Variants in TTLL9 observed in about 807,000 individuals in gnomAD.
The protein encoded by TTLL9 is tubulin tyrosine ligase like 9, also known as probable tubulin polyglutamylase TTLL9.
In TTLL9, 47 loss-of-function variants were observed where a neutral mutation model predicts 65.6. The observed-to-expected ratio is 0.72, with a 90% confidence interval of 0.57 to 0.91. The LOEUF is 0.91. Ranked by LOEUF, TTLL9 falls within the 40% of genes least tolerant of loss-of-function variation. The pLI, the probability that TTLL9 is intolerant of heterozygous loss-of-function variation, is 0.00. For missense variants in TTLL9, 537 were observed against 568.8 expected (o/e 0.94, Z 0.57); for synonymous variants, 179 against 204.8 (o/e 0.87, Z 1.07).
chr20:31,905,365 G>A (rs535464664), intron 4 of TTLL9, among the ~76,000 whole-genome samples: 14 of 152,084 alleles, frequency 9.2e-5, no homozygotes, highest in East Asian at 5.8e-4. Flanking sequence ...ATAAGCCACC[G>A]TGCCCAACCA....
chr20:31,912,603 ATGTGTGTG>A (rs61107814), intron 6 of TTLL9, among the ~76,000 whole-genome samples: 15,567 of 141,026 alleles, frequency 0.11, 826 homozygotes, highest in Middle Eastern at 0.22. Context: ...GTGTATGTGT[ATGTGTGTG>A]TGTGTGTGTG....
chr20:31,929,009 G>A (rs1210669815), intron 10 of TTLL9, among the ~76,000 whole-genome samples: 1 of 152,174 alleles, frequency 6.6e-6, no homozygotes, highest in Non-Finnish European at 1.5e-5. Context: ...CTGTGCAGCT[G>A]AGACCACAGG....
chr20:31,929,033 GC>G (rs748296551), intron 10 of TTLL9, among the ~76,000 whole-genome samples: 87 of 152,266 alleles, frequency 5.7e-4, no homozygotes, highest in Non-Finnish European at 9.0e-4. Flanking sequence ...ATGCCACTGT[GC>G]CTGGCTAACT....
intron 11 of TTLL9, 80 bp from the exon 12 acceptor site, chr20:31,934,612 G>A: frequency 7.7e-7 from 1 of 1,301,858 alleles, no homozygotes; most frequent in South Asian, 1.4e-5. Flanking sequence ...GAAACACTGA[G>A]AGCAATTGTG....
At chr20:31,901,597 C>T (rs1292214219) in intron 4 of TTLL9, among the ~76,000 whole-genome samples, 2 of 152,236 alleles carry the variant, frequency 1.3e-5, no homozygotes, top group African/African-American at 2.4e-5. Context: ...CCCAACTCTT[C>T]AGTTTGGTCT....
chr20:31,875,676 C>CATA, intron 2 of TTLL9, among the ~76,000 whole-genome samples: 1 of 152,238 alleles, frequency 6.6e-6, no homozygotes, highest in East Asian at 1.9e-4. Context: ...GCTAAACTTC[C>CATA]TCTATCATAT....
chr20:31,871,324 C>A, intron 2 of TTLL9, 129 bp downstream of exon 2: 1 of 911,162 alleles, frequency 1.1e-6, no homozygotes, highest in Non-Finnish European at 1.8e-6. Flanking sequence ...CTGTTCACCT[C>A]TGACCTGCTA....
At chr20:31,909,590 C>A in intron 5 of TTLL9, 147 bp from the exon 6 acceptor site, 1 of 670,452 alleles carries the variant, frequency 1.5e-6, no homozygotes, top group Non-Finnish European at 2.5e-6. Flanking sequence ...GACTAGCAAG[C>A]TCTTTCTGGG....
intron 10 of TTLL9, among the ~76,000 whole-genome samples, chr20:31,929,939 C>T (rs531432842): frequency 1.1e-4 from 16 of 152,122 alleles, no homozygotes; most frequent in Admixed American, 8.5e-4. Flanking sequence ...ACCAGCCTGA[C>T]CAATATGGTG....
chr20:31,880,361 G>A (rs562790727), intron 2 of TTLL9, among the ~76,000 whole-genome samples: 3 of 152,086 alleles, frequency 2.0e-5, no homozygotes. Flanking sequence ...CCGGCCAAGG[G>A]ACACAGGTGA....
At chr20:31,900,163 G>A (rs567945195) in intron 4 of TTLL9, among the ~76,000 whole-genome samples, 2 of 152,328 alleles carry the variant, frequency 1.3e-5, no homozygotes, top group South Asian at 4.1e-4. Flanking sequence ...AGGGATAGGA[G>A]GGGTAGCTGC....
chr20:31,911,533 C>T (rs533236768), intron 6 of TTLL9, among the ~76,000 whole-genome samples: 5 of 152,324 alleles, frequency 3.3e-5, no homozygotes, highest in African/African-American at 1.2e-4. Context: ...GTACCCAGGC[C>T]TCCCAGGTTC....
chr20:31,941,226 GAAAAAAAAA>G (rs138767749), intron 14 of TTLL9: 2 of 108,050 alleles, frequency 1.9e-5, no homozygotes, highest in African/African-American at 6.3e-5. Flanking sequence ...CACAGAAAAA[GAAAAAAAAA>G]AAAAAAAAAG....
chr20:31,880,595 C>T (rs765705365), intron 2 of TTLL9, among the ~76,000 whole-genome samples: 53 of 151,700 alleles, frequency 3.5e-4, no homozygotes, highest in Admixed American at 8.5e-4. Context: ...CGGGTTCAAG[C>T]GATTCTCCTG....
chr20:31,924,765 CAG>C (rs994838474), intron 8 of TTLL9, among the ~76,000 whole-genome samples: 27 of 152,104 alleles, frequency 1.8e-4, no homozygotes, highest in African/African-American at 6.3e-4. Flanking sequence ...TTTGTAGACA[CAG>C]AGTCTCACTA....
At chr20:31,881,810 T>C (rs1421837385) in intron 2 of TTLL9, among the ~76,000 whole-genome samples, 1 of 152,172 alleles carries the variant, frequency 6.6e-6, no homozygotes, top group Non-Finnish European at 1.5e-5. Context: ...ACCCGACTGA[T>C]TCCTTTGAAA....
chr20:31,887,855 C>CATCTTCTCTTCTCTT (rs2063214982), intron 3 of TTLL9, among the ~76,000 whole-genome samples: 1 of 114,926 alleles, frequency 8.7e-6, no homozygotes, highest in East Asian at 2.5e-4. Context: ...TATCTCCTCT[C>CATCTTCTCTTCTCTT]CTCTTCTCTT....
chr20:31,934,353 A>G (rs145036428), intron 11 of TTLL9: 205 of 528,508 alleles, frequency 3.9e-4, no homozygotes, highest in African/African-American at 3.4e-3. Context: ...TTGTGCATAC[A>G]CAGCCCTGAA....
chr20:31,871,565 G>A (rs2062933600), intron 2 of TTLL9, among the ~76,000 whole-genome samples: 2 of 152,196 alleles, frequency 1.3e-5, no homozygotes, highest in Admixed American at 1.3e-4. Context: ...ATAGAGAGCA[G>A]GACAGAGAGA....
Sources: gnomAD v4.1 joint callset for allele counts (sites outside exome capture counted in the v4.1 genomes callset) on GRCh38, gnomAD v4.1.1 for gene constraint, MANE v1.5 for transcripts, NCBI Gene and HGNC (gene_info 2026-07-23, HGNC 2026-07-21) for gene names.